CNTN5: variants seen among roughly 807,000 people sequenced by gnomAD.
CNTN5 encodes the protein contactin 5.
In CNTN5, 77 loss-of-function variants were observed where a neutral mutation model predicts 129.1. The observed-to-expected ratio is 0.60, with a 90% CI of 0.50 to 0.72. CNTN5 has a LOEUF of 0.72. Ranked by LOEUF, CNTN5 falls within the 30% of genes least tolerant of loss-of-function variation. The probability of loss-of-function intolerance (pLI) is 0.00; values close to 1 mark genes in which losing one functional copy is unlikely to be tolerated. For missense variants in CNTN5, 1,478 were observed against 1,328.8 expected (o/e 1.11, Z -1.75); for synonymous variants, 509 against 465.6 (o/e 1.09, Z -1.20).
At chr11:99,116,026 A>G (rs965129807) in intron 1 of CNTN5, among the ~76,000 whole-genome samples, 2 of 152,126 alleles carry the variant, frequency 1.3e-5, no homozygotes, top group Non-Finnish European at 2.9e-5. Context: ...TGCTGTATTG[A>G]TTTTGCTAAC....
intron 1 of CNTN5, among the ~76,000 whole-genome samples, chr11:99,315,137 A>G (rs1865287801): frequency 6.7e-6 from 1 of 149,368 alleles, no homozygotes; most frequent in Non-Finnish European, 1.5e-5. Flanking sequence ...TCTAGTAGTC[A>G]TGGAAGAATA....
chr11:99,051,228 T>C (rs1244838645), intron 1 of CNTN5, among the ~76,000 whole-genome samples: 1 of 151,988 alleles, frequency 6.6e-6, no homozygotes, highest in Non-Finnish European at 1.5e-5. Context: ...CTTCTTTTTA[T>C]AATGTATTTC....
At chr11:99,805,381 G>A (rs1188370724) in intron 3 of CNTN5, among the ~76,000 whole-genome samples, 1 of 152,118 alleles carries the variant, frequency 6.6e-6, no homozygotes, top group Non-Finnish European at 1.5e-5. Context: ...AGAGATCTGA[G>A]CTATTTTTAC....
At chr11:100,336,304 C>T (rs1278967367) in intron 21 of CNTN5, among the ~76,000 whole-genome samples, 4 of 151,996 alleles carry the variant, frequency 2.6e-5, no homozygotes, top group Admixed American at 1.3e-4. Context: ...AATATTTGCA[C>T]GGCAGCATTT....
At chr11:99,706,449 C>T (rs1171370605) in intron 3 of CNTN5, among the ~76,000 whole-genome samples, 2 of 151,378 alleles carry the variant, frequency 1.3e-5, no homozygotes, top group Non-Finnish European at 3.0e-5. Context: ...TAATAGCTTT[C>T]TTATTCTTTT....
At chr11:99,573,414 C>CA (rs764937476) in intron 3 of CNTN5, among the ~76,000 whole-genome samples, 105 of 151,364 alleles carry the variant, frequency 6.9e-4, no homozygotes, top group Non-Finnish European at 1.3e-3. Flanking sequence ...ACTAAAAATA[C>CA]AAAAAATTAG....
intron 9 of CNTN5, among the ~76,000 whole-genome samples, chr11:100,026,713 T>C (rs1027688538): frequency 2.0e-5 from 3 of 152,124 alleles, no homozygotes; most frequent in Admixed American, 6.5e-5. Context: ...TTTTGGCCCA[T>C]TTTTTTAGTC....
chr11:99,398,621 A>G (rs914243323), intron 2 of CNTN5, among the ~76,000 whole-genome samples: 19 of 152,108 alleles, frequency 1.2e-4, no homozygotes, highest in Non-Finnish European at 2.1e-4. Context: ...GTAGCTTTTC[A>G]GAATGGCTGT....
intron 2 of CNTN5, among the ~76,000 whole-genome samples, chr11:99,374,016 C>T (rs72985763): frequency 1.3e-5 from 2 of 152,146 alleles, no homozygotes; most frequent in Non-Finnish European, 2.9e-5. Flanking sequence ...GTCATATAAT[C>T]CAGAAGCATG....
intron 3 of CNTN5, among the ~76,000 whole-genome samples, chr11:99,619,415 A>G (rs1007590488): frequency 1.4e-4 from 22 of 152,122 alleles, no homozygotes; most frequent in South Asian, 4.1e-4. Context: ...GGTTAAATAC[A>G]TGTAACCTAA....
intron 9 of CNTN5, among the ~76,000 whole-genome samples, chr11:100,023,252 A>T (rs1459077508): frequency 6.6e-6 from 1 of 151,862 alleles, no homozygotes; most frequent in Admixed American, 6.6e-5. Flanking sequence ...AAATTTACTA[A>T]TTTTCTTTCG....
chr11:99,943,662 T>G (rs1466380720), intron 7 of CNTN5, among the ~76,000 whole-genome samples: 4 of 152,136 alleles, frequency 2.6e-5, no homozygotes, highest in Non-Finnish European at 5.9e-5. Flanking sequence ...TTTTTATGGT[T>G]TAAGGTTTTA....
intron 4 of CNTN5, among the ~76,000 whole-genome samples, chr11:99,842,538 G>A (rs999199061): frequency 5.3e-5 from 8 of 152,104 alleles, no homozygotes; most frequent in Non-Finnish European, 1.0e-4. Flanking sequence ...ACTAGAATTT[G>A]AACTTACATG....
chr11:99,359,596 ATATAT>A lies in CNTN5; in HGVS notation c.-71+34118_-71+34122del, dbSNP rs560543691. 3.2e-4 allele frequency among the ~76,000 whole-genome samples: 48 copies of A among 148,936 alleles called. No homozygotes were observed. In the South Asian group the frequency reaches 7.7e-3, roughly 24 times the overall value. Reference sequence around the variant, plus strand: ...AAATTACCTTATTATATATGAAAAAATATATTATATATGAATAAATATATTTATTT... The same window carrying A: ...AAATTACCTTATTATATATGAAAAAATATATATGAATAAATATATTTATTT... On this transcript the variant is annotated intron_variant, in intron 2 of 24. Coordinates refer to ENST00000524871, the MANE Select transcript of CNTN5 (RefSeq NM_014361.4).
At chr11:99,401,948 T>C (rs1261283722) in intron 2 of CNTN5, among the ~76,000 whole-genome samples, 1 of 152,198 alleles carries the variant, frequency 6.6e-6, no homozygotes, top group Non-Finnish European at 1.5e-5. Context: ...AATTTGTTTA[T>C]GAGTTCTAAT....
intron 2 of CNTN5, among the ~76,000 whole-genome samples, chr11:99,549,110 A>G (rs1948397090): frequency 6.7e-6 from 1 of 150,102 alleles, no homozygotes; most frequent in Non-Finnish European, 1.5e-5. Context: ...TTTTTATAAC[A>G]CAAGTAATAT....
chr11:99,607,713 T>C (rs1490875495), intron 3 of CNTN5, among the ~76,000 whole-genome samples: 161 of 118,896 alleles, frequency 1.4e-3, no homozygotes, highest in African/African-American at 4.3e-3. Context: ...TGTCCAACAA[T>C]GATAGACTGG....
chr11:99,466,803 T>C (rs1944961774), intron 2 of CNTN5, among the ~76,000 whole-genome samples: 1 of 152,126 alleles, frequency 6.6e-6, no homozygotes, highest in African/African-American at 2.4e-5. Context: ...GTTTGGCTGA[T>C]CACATAAGGA....
chr11:99,949,618 C>T (rs1235240506), intron 7 of CNTN5, among the ~76,000 whole-genome samples: 1 of 152,154 alleles, frequency 6.6e-6, no homozygotes, highest in Non-Finnish European at 1.5e-5. Context: ...CAATTCAATA[C>T]AACGTAAATT....
Sources: gnomAD v4.1 joint callset for allele counts (sites outside exome capture counted in the v4.1 genomes callset) on GRCh38, gnomAD v4.1.1 for gene constraint, MANE v1.5 for transcripts, NCBI Gene and HGNC (gene_info 2026-07-23, HGNC 2026-07-21) for gene names.